CIMIP2A: variants seen among roughly 807,000 people sequenced by gnomAD.
The protein encoded by CIMIP2A is ciliary microtubule inner protein 2A, also known as family with sequence similarity 166 member A.
chr9:137,252,510 C>T, the CIMIP2A span: 6 of 1,601,682 alleles, frequency 3.7e-6, no homozygotes, highest in African/African-American at 2.7e-5. Context: ...AAGCTGACTT[C>T]GACCAAGAGC....
At chr9:137,252,495 G>A in the CIMIP2A span, 14 of 1,597,968 alleles carry the variant, frequency 8.8e-6, no homozygotes, top group Admixed American at 1.2e-4. Context: ...GCCCCTTCAC[G>A]CAGAAAGCTG....
At chr9:137,245,575 C>G in the CIMIP2A span, 7 of 1,613,578 alleles carry the variant, frequency 4.3e-6, no homozygotes, top group African/African-American at 2.7e-5. Flanking sequence ...AACAGGGCAG[C>G]CTGTGAGTGC....
chr9:137,252,944 T>C, the CIMIP2A span: 1 of 1,600,174 alleles, frequency 6.2e-7, no homozygotes, highest in Non-Finnish European at 8.5e-7. Context: ...CTCCCCTGCG[T>C]TCACCTCCTG....
At chr9:137,246,888 T>C in the CIMIP2A span, among the ~76,000 whole-genome samples, 1 of 152,130 alleles carries the variant, frequency 6.6e-6, no homozygotes, top group Non-Finnish European at 1.5e-5. Flanking sequence ...CGTGTGTGTA[T>C]GTAGGTGCAC....
the CIMIP2A span, chr9:137,247,732 C>G: frequency 6.2e-7 from 1 of 1,612,600 alleles, no homozygotes; most frequent in Non-Finnish European, 8.5e-7. Context: ...TTCACTCTGG[C>G]CTTGCTGGCT....
chr9:137,243,770 G>C, the CIMIP2A span: 1 of 1,614,054 alleles, frequency 6.2e-7, no homozygotes, highest in South Asian at 1.1e-5. Context: ...GAATGTCAGG[G>C]CGTAGTTGTC....
chr9:137,248,289 T>G, the CIMIP2A span, among the ~76,000 whole-genome samples: 1 of 152,216 alleles, frequency 6.6e-6, no homozygotes, highest in African/African-American at 2.4e-5. Flanking sequence ...GGCTCACACC[T>G]GTAATCCCAG....
the CIMIP2A span, chr9:137,245,659 G>A: frequency 0.027 from 42,587 of 1,606,820 alleles, 858 homozygotes; most frequent in Admixed American, 0.09. Flanking sequence ...GGGGATGTAG[G>A]GCTCCGTCAG....
the CIMIP2A span, chr9:137,244,474 A>C: frequency 4.7e-6 from 7 of 1,497,152 alleles, no homozygotes; most frequent in Non-Finnish European, 5.4e-6. Context: ...AAGACTCAGG[A>C]GAGAGGGGTT....
chr9:137,244,019 G>T, the CIMIP2A span: 1 of 903,326 alleles, frequency 1.1e-6, no homozygotes, highest in Non-Finnish European at 1.7e-6. Context: ...AAGGGGTAGG[G>T]AGGATGGCAG....
At chr9:137,249,474 C>T in the CIMIP2A span, among the ~76,000 whole-genome samples, 1 of 152,186 alleles carries the variant, frequency 6.6e-6, no homozygotes, top group East Asian at 1.9e-4. Context: ...CTTGGTAGGG[C>T]CTTTTGTTAG....
chr9:137,252,347 C>A, the CIMIP2A span: 1 of 1,423,042 alleles, frequency 7.0e-7, no homozygotes, highest in Non-Finnish European at 9.7e-7. Context: ...GGTTCAGGGG[C>A]CGAGGGTGGG....
At chr9:137,244,344 C>T in the CIMIP2A span, 9 of 1,608,414 alleles carry the variant, frequency 5.6e-6, no homozygotes, top group South Asian at 1.1e-5. Context: ...AACAGATAGT[C>T]AAGTTGTCCC....
At chr9:137,245,499 G>A in the CIMIP2A span, 28 of 1,613,666 alleles carry the variant, frequency 1.7e-5, no homozygotes, top group Admixed American at 8.3e-5. Flanking sequence ...GCTCCTGGGC[G>A]TCCACCTCCA....
the CIMIP2A span, chr9:137,243,615 C>T: frequency 3.7e-6 from 6 of 1,612,608 alleles, no homozygotes; most frequent in South Asian, 2.2e-5. Context: ...CACTCCCAGC[C>T]TGTCCTGTGG....
At chr9:137,247,707 AGTT>A in the CIMIP2A span, 1 of 1,613,314 alleles carries the variant, frequency 6.2e-7, no homozygotes, top group Non-Finnish European at 8.5e-7. Flanking sequence ...GTTTCTGAGT[AGTT>A]GTCATTTTGC....
At chr9:137,245,631 C>T in the CIMIP2A span, 6 of 1,609,948 alleles carry the variant, frequency 3.7e-6, no homozygotes, top group Non-Finnish European at 5.1e-6. Flanking sequence ...TGGGGACTGG[C>T]AGCTCACTGG....
the CIMIP2A span, chr9:137,252,364 G>A: frequency 1.3e-6 from 2 of 1,489,792 alleles, no homozygotes; most frequent in Non-Finnish European, 1.8e-6. Context: ...TGGGAACCGG[G>A]AGACAGGTTC....
the CIMIP2A span, chr9:137,245,032 G>A: frequency 1.2e-6 from 2 of 1,609,906 alleles, no homozygotes; most frequent in Non-Finnish European, 1.7e-6. Context: ...CTCTCACACT[G>A]CAAGAACCTT....
Sources: gnomAD v4.1 joint callset for allele counts (sites outside exome capture counted in the v4.1 genomes callset) on GRCh38, gnomAD v4.1.1 for gene constraint, MANE v1.5 for transcripts, NCBI Gene and HGNC (gene_info 2026-07-23, HGNC 2026-07-21) for gene names.